Variants in NF1 observed in about 807,000 individuals in gnomAD.
NF1 encodes the protein neurofibromin 1.
A neutral mutation model predicts 325.7 loss-of-function variants in NF1; 122 were observed. That is an observed-to-expected ratio of 0.37 (90% CI 0.32 to 0.44). The LOEUF is 0.44. Among genes scored for constraint, NF1 ranks in the 20% least tolerant of loss-of-function variants. The pLI is 1.00. For synonymous variants in NF1, 1,091 were observed against 1,186.0 expected (o/e 0.92, Z 1.65); for missense variants, 2,140 against 3,415.4 (o/e 0.63, Z 9.31).
At chr17:31,312,992 G>A (rs528057225) in intron 36 of NF1, among the ~76,000 whole-genome samples, 84 of 152,102 alleles carry the variant, frequency 5.5e-4, no homozygotes, top group African/African-American at 1.9e-3. Context: ...ACATAAACAC[G>A]TAGATGATAT....
intron 29 of NF1, among the ~76,000 whole-genome samples, chr17:31,242,240 G>C (rs1249020915): frequency 6.8e-6 from 1 of 147,548 alleles, no homozygotes; most frequent in East Asian, 2.0e-4. Flanking sequence ...AAATCTGTTT[G>C]GTGTTCTGTA....
chr17:31,278,006 T>C (rs1415041250), intron 36 of NF1, among the ~76,000 whole-genome samples: 2 of 152,184 alleles, frequency 1.3e-5, no homozygotes, highest in Admixed American at 6.5e-5. Flanking sequence ...ATGTGAGCTA[T>C]AGTCCCAGCA....
intron 15 of NF1, among the ~76,000 whole-genome samples, chr17:31,223,087 C>T (rs1222612910): frequency 6.6e-6 from 1 of 152,172 alleles, no homozygotes. Flanking sequence ...TGGATGGTAG[C>T]TTGCAGACCC....
intron 11 of NF1, among the ~76,000 whole-genome samples, chr17:31,205,983 A>G (rs1350557213): frequency 6.6e-6 from 1 of 152,100 alleles, no homozygotes; most frequent in African/African-American, 2.4e-5. Flanking sequence ...TCATCGAGAA[A>G]AGATGTCTCA....
At chr17:31,352,923 C>G (rs898852881) in intron 51 of NF1, among the ~76,000 whole-genome samples, 1 of 151,360 alleles carries the variant, frequency 6.6e-6, no homozygotes, top group Non-Finnish European at 1.5e-5. Flanking sequence ...TTTTTCTTTT[C>G]TTGATATGAA....
At chr17:31,274,343 T>C (rs1206469500) in intron 36 of NF1, among the ~76,000 whole-genome samples, 4 of 152,170 alleles carry the variant, frequency 2.6e-5, no homozygotes, top group Non-Finnish European at 4.4e-5. Context: ...AATGTTTTCA[T>C]CATATTGGCC....
chr17:31,348,916 AT>A (rs533574154), intron 48 of NF1, among the ~76,000 whole-genome samples: 35 of 152,132 alleles, frequency 2.3e-4, no homozygotes, highest in Non-Finnish European at 4.7e-4. Flanking sequence ...TATTCTACAC[AT>A]TTTTGGTACT....
intron 36 of NF1, among the ~76,000 whole-genome samples, chr17:31,287,970 T>C (rs988849267): frequency 2.0e-5 from 3 of 148,464 alleles, no homozygotes; most frequent in Admixed American, 6.7e-5. Flanking sequence ...TTGGGAGATA[T>C]ACCTAATGCT....
chr17:31,321,353 GAAAA>G, intron 36 of NF1: 1 of 150,708 alleles, frequency 6.6e-6, no homozygotes, highest in East Asian at 1.9e-4. Context: ...TAACAGGACA[GAAAA>G]AAAAAGTATA....
intron 8 of NF1, among the ~76,000 whole-genome samples, chr17:31,186,398 G>A (rs1216277976): frequency 6.6e-6 from 1 of 152,232 alleles, no homozygotes; most frequent in African/African-American, 2.4e-5. Context: ...CTGAAGCATA[G>A]TGGTGAAGGG....
chr17:31,273,517 T>C lies in NF1; in HGVS notation c.4835+8178T>C, dbSNP rs994188795. 3.3e-5 allele frequency: 5 copies of C among 152,348 alleles called. 1 individual carries two copies. Among genetic ancestry groups the C allele is most frequent in the African/African-American group, 2.4e-5 (1 of 41,594 alleles). The allele number at this position is 152,348 out of a possible 1,614,324, so 9.4% of individuals were successfully genotyped here. On this transcript the variant is annotated intron_variant, in intron 36 of 57. Coordinates refer to ENST00000358273, the MANE Select transcript of NF1 (RefSeq NM_001042492.3). ...ATTTTAACTGTAGAACTCTAACATATATATTAAAAGTTACATTTGGCTCTA... is the reference window on the plus strand; with the variant it reads ...ATTTTAACTGTAGAACTCTAACATACATATTAAAAGTTACATTTGGCTCTA...
intron 8 of NF1, chr17:31,182,995 C>A (rs2066165622): frequency 1.8e-6 from 1 of 566,482 alleles, no homozygotes; most frequent in Non-Finnish European, 3.1e-6. Flanking sequence ...TACTTGAGTT[C>A]ATCACTTTTA....
intron 38 of NF1, among the ~76,000 whole-genome samples, chr17:31,329,199 T>C (rs1356702147): frequency 6.6e-6 from 1 of 152,178 alleles, no homozygotes; most frequent in East Asian, 1.9e-4. Flanking sequence ...AAAAAAGATA[T>C]GTAAACAGAA....
chr17:31,127,593 CTTT>C (rs199556341), intron 1 of NF1, among the ~76,000 whole-genome samples: 1 of 139,992 alleles, frequency 7.1e-6, no homozygotes. Context: ...TGTCTTTATA[CTTT>C]TTTTTTTTTT....
intron 29 of NF1, among the ~76,000 whole-genome samples, chr17:31,246,323 A>G (rs1477417533): frequency 2.6e-5 from 4 of 152,224 alleles, no homozygotes; most frequent in Admixed American, 2.0e-4. Context: ...CACCTGTTCA[A>G]TGAAGTATTT....
intron 57 of NF1, among the ~76,000 whole-genome samples, chr17:31,372,276 G>A (rs2070657270): frequency 6.6e-6 from 1 of 151,980 alleles, no homozygotes; most frequent in Admixed American, 6.6e-5. Flanking sequence ...ACAGTGTGTG[G>A]GTGTTTTTTT....
At chr17:31,307,454 C>A (rs1440576208) in intron 36 of NF1, among the ~76,000 whole-genome samples, 1 of 152,164 alleles carries the variant, frequency 6.6e-6, no homozygotes, top group Admixed American at 6.5e-5. Flanking sequence ...AATTAAGTTT[C>A]CAGCCAGGGA....
chr17:31,145,856 G>A (rs1043868871), intron 1 of NF1, among the ~76,000 whole-genome samples: 5 of 152,162 alleles, frequency 3.3e-5, no homozygotes, highest in African/African-American at 1.2e-4. Flanking sequence ...TATTTACCAA[G>A]ACAGGAAACA....
intron 5 of NF1, among the ~76,000 whole-genome samples, chr17:31,179,513 G>C (rs1184841742): frequency 2.0e-5 from 3 of 152,164 alleles, no homozygotes; most frequent in Non-Finnish European, 4.4e-5. Context: ...ACTAAGATCA[G>C]AGCAGAACTG....
Sources: allele counts gnomAD v4.1 joint callset (sites outside exome capture counted in the v4.1 genomes callset), GRCh38; gene constraint gnomAD v4.1.1; transcripts MANE v1.5; gene names NCBI Gene and HGNC (gene_info 2026-07-23, HGNC 2026-07-21).